MRTFA: variants seen among roughly 807,000 people sequenced by gnomAD.
MRTFA encodes myocardin related transcription factor A, also known as myocardin-related transcription factor A.
A neutral mutation model predicts 83.5 loss-of-function variants in MRTFA; 20 were observed. That is an observed-to-expected ratio of 0.24 (90% CI 0.17 to 0.35). The LOEUF is 0.35. Ranked by LOEUF, MRTFA falls within the 10% of genes least tolerant of loss-of-function variation. The probability of loss-of-function intolerance (pLI) is 1.00; values close to 1 mark genes in which losing one functional copy is unlikely to be tolerated. For missense variants in MRTFA, 1,200 were observed against 1,224.7 expected (o/e 0.98, Z 0.30); for synonymous variants, 659 against 541.2 (o/e 1.22, Z -3.02).
chr22:40,576,018 A>G (rs2055862505), intron 2 of MRTFA, among the ~76,000 whole-genome samples: 1 of 149,812 alleles, frequency 6.7e-6, no homozygotes, highest in Non-Finnish European at 1.5e-5. Context: ...ATATGTATAG[A>G]TGTAAATTTC....
intron 3 of MRTFA, among the ~76,000 whole-genome samples, chr22:40,547,378 C>T (rs574941497): frequency 1.9e-4 from 29 of 151,902 alleles, no homozygotes; most frequent in African/African-American, 6.3e-4. Context: ...TCAAGAGTAA[C>T]AGGAGGTGCT....
chr22:40,419,422 C>T (rs1399181096), intron 11 of MRTFA, 38 bp from the exon 12 acceptor site: 2 of 1,594,724 alleles, frequency 1.3e-6, no homozygotes, highest in Non-Finnish European at 1.7e-6. Flanking sequence ...CCAGGGGCAG[C>T]TGGACACAGG....
intron 1 of MRTFA, among the ~76,000 whole-genome samples, chr22:40,610,123 C>G (rs1269151558): frequency 1.3e-5 from 2 of 149,672 alleles, no homozygotes; most frequent in Non-Finnish European, 3.0e-5. Flanking sequence ...CTCAGCTCAC[C>G]GCAACCTCCA....
chr22:40,605,118 C>T (rs1372947523), intron 1 of MRTFA, among the ~76,000 whole-genome samples: 1 of 152,156 alleles, frequency 6.6e-6, no homozygotes, highest in Non-Finnish European at 1.5e-5. Context: ...GAAGTAACCA[C>T]TTGTCTGTAA....
intron 3 of MRTFA, among the ~76,000 whole-genome samples, chr22:40,488,367 C>G (rs924008735): frequency 1.3e-5 from 2 of 152,276 alleles, no homozygotes; most frequent in South Asian, 2.1e-4. Context: ...ACTGTGCTAT[C>G]AGACATGGCA....
At chr22:40,549,264 A>G (rs890703498) in intron 3 of MRTFA, among the ~76,000 whole-genome samples, 10 of 152,164 alleles carry the variant, frequency 6.6e-5, no homozygotes, top group African/African-American at 2.4e-4. Context: ...CGAGTATACC[A>G]AAAGACACAT....
intron 3 of MRTFA, among the ~76,000 whole-genome samples, chr22:40,534,917 G>A (rs2055141628): frequency 1.3e-5 from 2 of 152,190 alleles, no homozygotes; most frequent in Non-Finnish European, 2.9e-5. Flanking sequence ...CCTTAAGAGA[G>A]AAAATAGTCT....
At chr22:40,459,239 CAAAAAAAAAAAAA>C (rs59958160) in intron 4 of MRTFA, among the ~76,000 whole-genome samples, 1 of 87,124 alleles carries the variant, frequency 1.1e-5, no homozygotes, top group East Asian at 5.5e-4. Flanking sequence ...AGGGGTCTGG[CAAAAAAAAAAAAA>C]AAAAAAAAAA....
At chr22:40,634,850 T>C (rs993687761) in intron 1 of MRTFA, among the ~76,000 whole-genome samples, 1 of 152,222 alleles carries the variant, frequency 6.6e-6, no homozygotes, top group African/African-American at 2.4e-5. Context: ...ACTAAGGACA[T>C]GGAAACTCTC....
chr22:40,515,883 C>G (rs181627916), intron 3 of MRTFA, among the ~76,000 whole-genome samples: 1 of 152,146 alleles, frequency 6.6e-6, no homozygotes, highest in Admixed American at 6.6e-5. Context: ...ACAACTTCCA[C>G]GCAACATCTA....
intron 4 of MRTFA, among the ~76,000 whole-genome samples, chr22:40,443,955 G>A (rs974649243): frequency 1.3e-5 from 2 of 152,196 alleles, no homozygotes; most frequent in Non-Finnish European, 2.9e-5. Context: ...CCACCATGGT[G>A]TGCATACAGA....
intron 3 of MRTFA, among the ~76,000 whole-genome samples, chr22:40,476,474 T>C (rs1166176989): frequency 6.6e-6 from 1 of 152,190 alleles, no homozygotes; most frequent in Non-Finnish European, 1.5e-5. Context: ...TTTTTGTTTT[T>C]TGAGATAGGA....
chr22:40,627,433 T>C (rs2056594745), intron 1 of MRTFA, among the ~76,000 whole-genome samples: 1 of 152,202 alleles, frequency 6.6e-6, no homozygotes, highest in South Asian at 2.1e-4. Flanking sequence ...CAAGTATTAA[T>C]TGAGCAACTT....
chr22:40,459,678 A>ACT (rs893550957), intron 4 of MRTFA, among the ~76,000 whole-genome samples: 1 of 149,432 alleles, frequency 6.7e-6, no homozygotes, highest in Non-Finnish European at 1.5e-5. Context: ...AGTTTGTCAG[A>ACT]CTCTCTCTCT....
At chr22:40,479,410 C>T (rs1468073596) in intron 3 of MRTFA, among the ~76,000 whole-genome samples, 1 of 152,074 alleles carries the variant, frequency 6.6e-6, no homozygotes, top group Non-Finnish European at 1.5e-5. Flanking sequence ...CTGGGGCATC[C>T]GCTGCTGCTG....
chr22:40,457,195 T>A (rs2147139892), intron 4 of MRTFA, among the ~76,000 whole-genome samples: 1 of 152,108 alleles, frequency 6.6e-6, no homozygotes, highest in South Asian at 2.1e-4. Context: ...CGAAACCACG[T>A]CTCTACTATA....
At chr22:40,440,151 C>CA (rs376161982) in intron 4 of MRTFA, among the ~76,000 whole-genome samples, 1,440 of 69,660 alleles carry the variant, frequency 0.021, 17 homozygotes, top group Middle Eastern at 0.036. Flanking sequence ...GACTCCGTCT[C>CA]AAAAAAAAAA....
chr22:40,523,610 G>C (rs574405360), intron 3 of MRTFA: 1 of 152,302 alleles, frequency 6.6e-6, no homozygotes, highest in African/African-American at 2.4e-5. Flanking sequence ...AAAGTGTTGG[G>C]ATTACAGCTG....
chr22:40,635,519 T>C (rs1357718358), intron 1 of MRTFA, among the ~76,000 whole-genome samples: 1 of 152,230 alleles, frequency 6.6e-6, no homozygotes, highest in Non-Finnish European at 1.5e-5. Flanking sequence ...TTCCTGTATA[T>C]ACACACACTT....
Sources: gnomAD v4.1 joint callset for allele counts (sites outside exome capture counted in the v4.1 genomes callset) on GRCh38, gnomAD v4.1.1 for gene constraint, MANE v1.5 for transcripts, NCBI Gene and HGNC (gene_info 2026-07-23, HGNC 2026-07-21) for gene names.